Variants in XIRP2 observed in about 807,000 individuals in gnomAD.
XIRP2 encodes the protein xin actin binding repeat containing 2, also known as xin actin-binding repeat-containing protein 2.
A neutral mutation model predicts 277.0 loss-of-function variants in XIRP2; 236 were observed. The ratio of observed to expected loss-of-function variants is 0.85; its 90% CI spans 0.77 to 0.95. XIRP2 has a LOEUF of 0.95. XIRP2 is among the 40% of genes least tolerant of loss of function. The probability of loss-of-function intolerance (pLI) is 0.00; values close to 1 mark genes in which losing one functional copy is unlikely to be tolerated. For synonymous variants in XIRP2, 1,490 were observed against 1,416.5 expected, an observed-to-expected ratio of 1.05 and a Z score of -1.17; for missense variants, 4,640 against 4,157.5, an observed-to-expected ratio of 1.12 and a Z score of -3.19.
chr2:167,181,389 A>G (rs112648106), intron 3 of XIRP2, among the ~76,000 whole-genome samples: 40 of 152,346 alleles, frequency 2.6e-4, no homozygotes, highest in African/African-American at 9.1e-4. Flanking sequence ...GCTCACAAAG[A>G]TAACCACAAT....
intron 2 of XIRP2, among the ~76,000 whole-genome samples, chr2:167,086,572 A>T (rs1689951446): frequency 6.6e-6 from 1 of 151,874 alleles, no homozygotes; most frequent in Non-Finnish European, 1.5e-5. Flanking sequence ...CATCACTTTC[A>T]GGTACACCAA....
intron 2 of XIRP2, among the ~76,000 whole-genome samples, chr2:167,041,386 T>C (rs578245565): frequency 3.9e-5 from 6 of 152,230 alleles, no homozygotes; most frequent in African/African-American, 7.2e-5. Flanking sequence ...CTCATCAAGA[T>C]TCAGGAGAGA....
chr2:167,170,846 T>A (rs1295636000), intron 3 of XIRP2, among the ~76,000 whole-genome samples: 1 of 151,584 alleles, frequency 6.6e-6, no homozygotes, highest in African/African-American at 2.4e-5. Flanking sequence ...TTTATTTTAC[T>A]CTTCTTTTTT....
At position 167,251,138 on chromosome 2, in the gene XIRP2, G is replaced by C. The variant is rs764596262; in HGVS notation, c.9746G>C (p.Ser3249Thr). 2.5e-6 allele frequency: 4 copies of C among 1,613,500 alleles called. No individual in the cohort carries two copies. ...CCAGTAAATATAAATCATGCTGCTA[G>C]TGGTTCCTTCAGAGAATCTGTGGAC... ...TIPVNINHAA[S>T]GSFRESVDAQ... Residue 3249 changes from serine (S) to threonine (T), a missense_variant, in exon 9 of 11, where the codon AGT (serine) becomes ACT (threonine). Transcript: ENST00000409195.
chr2:167,086,771 C>T, intron 2 of XIRP2, among the ~76,000 whole-genome samples: 1 of 148,430 alleles, frequency 6.7e-6, no homozygotes, highest in Non-Finnish European at 1.5e-5. Flanking sequence ...ACGTAGTTCT[C>T]AAGCCTTGGT....
intron 2 of XIRP2, among the ~76,000 whole-genome samples, chr2:167,113,245 C>T (rs7586785): frequency 2.0e-5 from 3 of 151,780 alleles, no homozygotes; most frequent in African/African-American, 4.8e-5. Context: ...TTGTCAGTGG[C>T]GTGTTAAAGT....
chr2:167,250,716 C>T lies in XIRP2; in HGVS notation c.9324C>T (p.Asn3108=), dbSNP rs1695460711. ...THQEIKLDDS[N]IPPPSLKTRP... The stretch of plus-strand genomic sequence containing the variant: ...AGGAAATTAAACTTGATGATAGCAA[C>T]ATTCCTCCTCCCTCTTTAAAAACAC... Residue 3108 remains asparagine, a synonymous_variant, in exon 9 of 11, where the codon AAC becomes AAT. Coordinates refer to ENST00000409195, the MANE Select transcript of XIRP2 (RefSeq NM_152381.6). 1 of 1,613,516 alleles carries T rather than the reference C, an allele frequency of 6.2e-7. No individual in the cohort carries two copies. Among genetic ancestry groups the T allele is most frequent in the Non-Finnish European group, 8.5e-7 (1 of 1,179,738 alleles).
chr2:167,024,768 G>A (rs919191752), intron 2 of XIRP2, among the ~76,000 whole-genome samples: 55 of 152,162 alleles, frequency 3.6e-4, no homozygotes, highest in African/African-American at 4.6e-4. Flanking sequence ...ACTGATTTGC[G>A]TATGTTGAAC....
intron 2 of XIRP2, among the ~76,000 whole-genome samples, chr2:167,084,181 T>A (rs1465166210): frequency 6.6e-6 from 1 of 152,244 alleles, no homozygotes; most frequent in African/African-American, 2.4e-5. Flanking sequence ...AGGCCTTTTC[T>A]GCATCTATTG....
intron 2 of XIRP2, among the ~76,000 whole-genome samples, chr2:167,044,231 T>G (rs71590619): frequency 6.6e-6 from 1 of 152,110 alleles, no homozygotes; most frequent in Non-Finnish European, 1.5e-5. Flanking sequence ...TATCACTTCA[T>G]GTTAAGAACT....
intron 3 of XIRP2, among the ~76,000 whole-genome samples, chr2:167,200,857 G>T (rs374129606): frequency 6.6e-6 from 1 of 152,024 alleles, no homozygotes; most frequent in African/African-American, 2.4e-5. Flanking sequence ...CGGGTGTGGT[G>T]GCTCACGCCT....
chr2:166,987,164 G>A (rs1687028732), intron 2 of XIRP2, among the ~76,000 whole-genome samples: 1 of 152,050 alleles, frequency 6.6e-6, no homozygotes, highest in Non-Finnish European at 1.5e-5. Context: ...GATGGGATGA[G>A]GAGAAGAAAA....
At chr2:166,936,819 T>C (rs897164727) in intron 2 of XIRP2, among the ~76,000 whole-genome samples, 8 of 152,190 alleles carry the variant, frequency 5.3e-5, no homozygotes, top group African/African-American at 1.9e-4. Flanking sequence ...ACTGTAGCCT[T>C]GTAGTATGGT....
intron 2 of XIRP2, among the ~76,000 whole-genome samples, chr2:166,985,131 G>T (rs1483114040): frequency 6.6e-6 from 1 of 152,130 alleles, no homozygotes; most frequent in Non-Finnish European, 1.5e-5. Context: ...AACAGTGGTT[G>T]GGGTAATGCT....
At chr2:167,079,777 A>T (rs1406775855) in intron 2 of XIRP2, among the ~76,000 whole-genome samples, 1 of 152,058 alleles carries the variant, frequency 6.6e-6, no homozygotes. Flanking sequence ...TTATCCTTCT[A>T]AAAACCAACT....
rs981861840 is a variant in XIRP2, at chr2:166,975,474, C to T, written c.408+71584C>T. ...TGTGACCTCCAGCCTGGCGATAGAGCGAGACTCCTTCAAAAAAGAAAAGAA... is the reference window on the plus strand; with the variant it reads ...TGTGACCTCCAGCCTGGCGATAGAGTGAGACTCCTTCAAAAAAGAAAAGAA... On this transcript the variant is annotated intron_variant, in intron 2 of 10. Coordinates refer to ENST00000409195, the MANE Select transcript of XIRP2 (RefSeq NM_152381.6). Among the ~76,000 whole-genome samples the T allele has an allele frequency of 4.6e-5, 7 of 151,804 alleles. No homozygotes were observed. The South Asian group carries it at 6.2e-4, about 14-fold the overall frequency.
rs544835367 is a variant in XIRP2, at chr2:166,999,398, A to AT, written c.408+95513dup. Reference sequence around the variant, plus strand: ...TTCTAATTTTAGAAGTAAAGAAAATATTTTTAAAAGGAAAAGGAAAAATAA... The same window carrying AT: ...TTCTAATTTTAGAAGTAAAGAAAATATTTTTTAAAAGGAAAAGGAAAAATAA... On this transcript the variant is annotated intron_variant, in intron 2 of 10. Transcript: ENST00000409195. Among the ~76,000 whole-genome samples, 98 of 118,876 alleles carry AT rather than the reference A, an allele frequency of 8.2e-4. 1 individual carries two copies. In the East Asian group the frequency reaches 0.035, roughly 43 times the overall value. The allele number at this position is 118,876 out of a possible 152,430, so 78.0% of individuals were successfully genotyped here.
intron 3 of XIRP2, among the ~76,000 whole-genome samples, chr2:167,198,093 T>G (rs565646777): frequency 6.1e-4 from 93 of 152,204 alleles, no homozygotes; most frequent in African/African-American, 2.1e-3. Context: ...TAACTGTAAA[T>G]AAATTAAGGG....
chr2:167,121,821 A>T (rs1444500094), intron 2 of XIRP2, among the ~76,000 whole-genome samples: 1 of 152,182 alleles, frequency 6.6e-6, no homozygotes, highest in Non-Finnish European at 1.5e-5. Flanking sequence ...TCTGCATCTC[A>T]TGGGGAATTT....
Sources: gnomAD v4.1 joint callset for allele counts (sites outside exome capture counted in the v4.1 genomes callset) on GRCh38, gnomAD v4.1.1 for gene constraint, MANE v1.5 for transcripts, NCBI Gene and HGNC (gene_info 2026-07-23, HGNC 2026-07-21) for gene names.